RAPGEF6: variants seen among roughly 807,000 people sequenced by gnomAD.
RAPGEF6 encodes Rap guanine nucleotide exchange factor 6.
A neutral mutation model predicts 171.4 loss-of-function variants in RAPGEF6; 56 were observed. The observed-to-expected ratio is 0.33, with a 90% CI of 0.26 to 0.41. The LOEUF is 0.41. Among genes scored for constraint, RAPGEF6 ranks in the 10% least tolerant of loss-of-function variants. The pLI is 1.00. For missense variants in RAPGEF6, 1,674 were observed against 1,921.4 expected, an observed-to-expected ratio of 0.87 and a Z score of 2.41; for synonymous variants, 692 against 650.1, an observed-to-expected ratio of 1.06 and a Z score of -0.98.
intron 1 of RAPGEF6, among the ~76,000 whole-genome samples, chr5:131,619,335 G>C (rs941354730): frequency 6.6e-6 from 1 of 152,056 alleles, no homozygotes; most frequent in Non-Finnish European, 1.5e-5. Context: ...GAGGGCGGGG[G>C]GGCATAGCAT....
At position 131,472,742 on chromosome 5, in the gene RAPGEF6, T is replaced by C. The variant is rs750728827; in HGVS notation, c.2084A>G (p.Asp695Gly). ...FSILPPKLFS[D>G]GGLSQSQDDS... ...ATCTTGTGATTGGCTTAGGCCTCCA[T>C]CACTTCAAAAGAATGTCATATATCA... The change falls in exon 17 of 28, where the codon GAT becomes GGT. Residue 695 changes from aspartate to glycine, a missense_variant and splice_region_variant. Around this residue, in one of 3 missense-constraint regions of RAPGEF6, gnomAD observed 1,116 missense variants for 1,321.5 expected, o/e 0.84. Transcript: ENST00000509018. 2.5e-6 allele frequency: 4 copies of C among 1,606,952 alleles called. No homozygotes were observed. In the South Asian group the frequency reaches 3.3e-5, roughly 13 times the overall value.
chr5:131,579,972 G>C (rs533160940), intron 4 of RAPGEF6, among the ~76,000 whole-genome samples: 4 of 152,354 alleles, frequency 2.6e-5, no homozygotes, highest in East Asian at 1.9e-4. Context: ...AGCTGGCTTT[G>C]CCTAGTGGAC....
chr5:131,574,076 T>G (rs1023902416), intron 4 of RAPGEF6, among the ~76,000 whole-genome samples: 2 of 152,094 alleles, frequency 1.3e-5, no homozygotes, highest in African/African-American at 4.8e-5. Flanking sequence ...ATACAAAACC[T>G]TCAGAACATC....
At chr5:131,525,112 A>T in intron 6 of RAPGEF6, among the ~76,000 whole-genome samples, 1 of 152,256 alleles carries the variant, frequency 6.6e-6, no homozygotes, top group East Asian at 1.9e-4. Flanking sequence ...TAGCAGTCTG[A>T]ATAAGCAAAA....
At chr5:131,632,943 T>C (rs1274516209) in intron 1 of RAPGEF6, among the ~76,000 whole-genome samples, 1 of 152,224 alleles carries the variant, frequency 6.6e-6, no homozygotes, top group Non-Finnish European at 1.5e-5. Flanking sequence ...CCTTGAACAA[T>C]GCTTCTGTTC....
chr5:131,430,281 G>A (rs1009218552), intron 26 of RAPGEF6, among the ~76,000 whole-genome samples: 1 of 151,710 alleles, frequency 6.6e-6, no homozygotes, highest in Non-Finnish European at 1.5e-5. Flanking sequence ...TATAGTTTAG[G>A]AAAGAAATTT....
chr5:131,514,015 G>A (rs928497631), intron 7 of RAPGEF6, among the ~76,000 whole-genome samples: 1 of 152,104 alleles, frequency 6.6e-6, no homozygotes, highest in Non-Finnish European at 1.5e-5. Flanking sequence ...GTGACAGTGT[G>A]AGAACGTGTC....
intron 3 of RAPGEF6, among the ~76,000 whole-genome samples, chr5:131,594,024 T>A (rs1257414988): frequency 6.6e-6 from 1 of 152,100 alleles, no homozygotes; most frequent in Non-Finnish European, 1.5e-5. Context: ...GCCAACACAA[T>A]GGGGAAAATG....
chr5:131,606,048 AAAAAAG>A (rs1561601214), intron 1 of RAPGEF6, among the ~76,000 whole-genome samples: 588 of 123,316 alleles, frequency 4.8e-3, no homozygotes, highest in African/African-American at 0.015. Context: ...AAAAAAAAAA[AAAAAAG>A]AAAAAGAAAA....
chr5:131,473,242 G>C (rs538188152), intron 16 of RAPGEF6, among the ~76,000 whole-genome samples: 81 of 152,246 alleles, frequency 5.3e-4, no homozygotes, highest in African/African-American at 1.7e-3. Context: ...AAGTGACAAA[G>C]TAAGAGTGGT....
chr5:131,608,930 C>T (rs868815781), intron 1 of RAPGEF6, among the ~76,000 whole-genome samples: 1 of 152,080 alleles, frequency 6.6e-6, no homozygotes, highest in Non-Finnish European at 1.5e-5. Flanking sequence ...GCACACAACA[C>T]CATGCCCATT....
chr5:131,631,947 A>G (rs968653610), intron 1 of RAPGEF6, among the ~76,000 whole-genome samples: 5 of 151,956 alleles, frequency 3.3e-5, no homozygotes, highest in Admixed American at 1.3e-4. Context: ...GTGTTGGCAC[A>G]CACCTGTAGT....
At chr5:131,558,155 C>G (rs1329725132) in intron 5 of RAPGEF6, among the ~76,000 whole-genome samples, 49 of 150,814 alleles carry the variant, frequency 3.2e-4, no homozygotes, top group Non-Finnish European at 7.4e-5. Context: ...ATTACAGATT[C>G]ACTTTCTTTT....
rs571302388 is a variant in RAPGEF6, at chr5:131,493,300, G to A, written c.1528-515C>T. Among the ~76,000 whole-genome samples the A allele has an allele frequency of 2.7e-3, 418 of 152,224 alleles. 3 individuals are homozygous for A. Among genetic ancestry groups the A allele is most frequent in the Non-Finnish European group, 5.0e-3 (342 of 68,004 alleles). On this transcript the variant is annotated intron_variant, in intron 13 of 27. Transcript: ENST00000509018. ...ACGATGGTCTTGATCTCTTGACCTC[G>A]TGATCCGCCTGTCTCGGCCTCCCAA...
intron 4 of RAPGEF6, among the ~76,000 whole-genome samples, chr5:131,589,076 A>G (rs116635595): frequency 1.6e-3 from 238 of 152,304 alleles, no homozygotes; most frequent in African/African-American, 5.6e-3. Context: ...TCTTAAAAAA[A>G]AAAAGGTTAA....
At chr5:131,529,901 CTTTTTTTTTTTT>C (rs1162181624) in intron 6 of RAPGEF6, among the ~76,000 whole-genome samples, 2 of 119,776 alleles carry the variant, frequency 1.7e-5, no homozygotes, top group African/African-American at 3.3e-5. Flanking sequence ...TTGTCTCCCT[CTTTTTTTTTTTT>C]TTTTTTTTTT....
chr5:131,556,829 T>A (rs574562835), intron 5 of RAPGEF6, among the ~76,000 whole-genome samples: 50 of 152,330 alleles, frequency 3.3e-4, no homozygotes, highest in Admixed American at 4.6e-4. Flanking sequence ...TAACAAAAAG[T>A]AATATCCTTA....
chr5:131,616,663 C>T (rs889969688), intron 1 of RAPGEF6, among the ~76,000 whole-genome samples: 1 of 152,190 alleles, frequency 6.6e-6, no homozygotes, highest in African/African-American at 2.4e-5. Flanking sequence ...CACAGGCTCT[C>T]GCTATGTTGC....
rs1423353889 is a variant in RAPGEF6, at chr5:131,425,320, T to C, written c.*1946A>G. The C allele has an allele frequency of 2.6e-5, 4 of 152,330 alleles. No individual in the cohort carries two copies. Among genetic ancestry groups the C allele is most frequent in the Non-Finnish European group, 5.9e-5 (4 of 68,036 alleles). The allele number at this position is 152,330 out of a possible 1,614,324, so 9.4% of individuals were successfully genotyped here. A position where few individuals can be genotyped will look rare whatever the true frequency, so the allele number is the denominator to read the frequency against. On this transcript the variant is annotated 3_prime_UTR_variant, in exon 28 of 28. Coordinates refer to ENST00000509018, the MANE Select transcript of RAPGEF6 (RefSeq NM_016340.6). ...GAATATAAAATGGTGAGAGTAGACATCTGAATTTGATAAAAAAAGTGGGTA... is the reference window on the plus strand; with the variant it reads ...GAATATAAAATGGTGAGAGTAGACACCTGAATTTGATAAAAAAAGTGGGTA...
Sources: allele counts gnomAD v4.1 joint callset (sites outside exome capture counted in the v4.1 genomes callset), GRCh38; gene constraint gnomAD v4.1.1; regional missense constraint gnomAD v4.1.1; transcripts MANE v1.5; gene names NCBI Gene and HGNC (gene_info 2026-07-23, HGNC 2026-07-21).